Variants in ADAMTS5 observed in about 807,000 individuals in gnomAD.
ADAMTS5 encodes the protein ADAM metallopeptidase with thrombospondin type 1 motif 5, also known as A disintegrin and metalloproteinase with thrombospondin motifs 5.
In ADAMTS5, 54 loss-of-function variants were observed where a neutral mutation model predicts 81.4. The ratio of observed to expected loss-of-function variants is 0.66; its 90% CI spans 0.53 to 0.83. The LOEUF is 0.83. ADAMTS5 is among the 40% of genes least tolerant of loss of function. ADAMTS5 has a pLI of 0.00. For synonymous variants in ADAMTS5, 532 were observed against 508.8 expected (o/e 1.05, Z -0.61); for missense variants, 1,194 against 1,229.9 (o/e 0.97, Z 0.44).
chr21:26,944,353 A>G (rs1601009919), intron 2 of ADAMTS5, among the ~76,000 whole-genome samples: 1 of 152,298 alleles, frequency 6.6e-6, no homozygotes, highest in East Asian at 1.9e-4. Flanking sequence ...CAGCCAGGTG[A>G]TATTTGTGCT....
chr21:26,925,881 A>G (rs1281226557), intron 7 of ADAMTS5, among the ~76,000 whole-genome samples: 1 of 152,214 alleles, frequency 6.6e-6, no homozygotes, highest in Non-Finnish European at 1.5e-5. Flanking sequence ...GAGATGATGC[A>G]ATGCTCAGGG....
At chr21:26,947,437 T>C (rs761984297) in intron 2 of ADAMTS5, among the ~76,000 whole-genome samples, 11 of 152,038 alleles carry the variant, frequency 7.2e-5, no homozygotes, top group Non-Finnish European at 1.6e-4. Flanking sequence ...CTTTTTCTTT[T>C]TCTTTTTTTT....
At chr21:26,941,395 T>G (rs1987111409) in intron 3 of ADAMTS5, among the ~76,000 whole-genome samples, 1 of 152,106 alleles carries the variant, frequency 6.6e-6, no homozygotes, top group African/African-American at 2.4e-5. Context: ...TATAAAAATA[T>G]GTAAATTTGT....
At position 26,924,116 on chromosome 21, in the gene ADAMTS5, T is replaced by C. The variant is rs774028295; in HGVS notation, c.2730A>G (p.Ala910=). ...VQCQDGNRKL[A]KGCPLSQRPS... is the part of the protein sequence containing the mutation. Reference sequence around the variant, plus strand: ...GCCTTTGGGAGAGAGGACATCCTTTTGCTAACTTCCGGTTTCCATCCTGGC... The same window carrying C: ...GCCTTTGGGAGAGAGGACATCCTTTCGCTAACTTCCGGTTTCCATCCTGGC... The change falls in exon 8 of 8, where the codon GCA becomes GCG. Residue 910 remains alanine (A), a synonymous_variant. Transcript: ENST00000284987. 2.5e-6 allele frequency: 4 copies of C among 1,612,502 alleles called. No individual in the cohort carries two copies. The highest frequency in any genetic ancestry group is 3.4e-6 in the Non-Finnish European group (4 of 1,178,564).
chr21:26,951,876 A>G (rs1568849326), intron 2 of ADAMTS5, among the ~76,000 whole-genome samples: 3 of 150,416 alleles, frequency 2.0e-5, no homozygotes, highest in Non-Finnish European at 4.4e-5. Context: ...GAGGGGCAAG[A>G]CTCTGTAATA....
intron 3 of ADAMTS5, among the ~76,000 whole-genome samples, chr21:26,937,590 A>G (rs1011219144): frequency 6.6e-6 from 1 of 152,238 alleles, no homozygotes; most frequent in Non-Finnish European, 1.5e-5. Context: ...ACAAAAATCA[A>G]TACAGAGCCT....
chr21:26,964,245 G>T (rs1987589677), intron 1 of ADAMTS5, among the ~76,000 whole-genome samples: 1 of 152,206 alleles, frequency 6.6e-6, no homozygotes, highest in Non-Finnish European at 1.5e-5. Context: ...GAGTCGAGTT[G>T]TGACAACTGA....
chr21:26,934,754 A>G lies in ADAMTS5; in HGVS notation c.1406-5T>C. On this transcript the variant is annotated splice_region_variant and splice_polypyrimidine_tract_variant and intron_variant, in intron 3 of 7. Coordinates refer to ENST00000284987, the MANE Select transcript of ADAMTS5 (RefSeq NM_007038.5). ...GTAGGTCCAGCAAACAGTTACCTACAAGAATAACTGAGATTGACCACGGCT... is the reference window on the plus strand; with the variant it reads ...GTAGGTCCAGCAAACAGTTACCTACGAGAATAACTGAGATTGACCACGGCT... 6.2e-7 allele frequency: 1 copy of G among 1,613,374 alleles called. No individual in the cohort carries two copies. Among genetic ancestry groups the G allele is most frequent in the South Asian group, 1.1e-5 (1 of 91,066 alleles).
rs1484169743 is a variant in ADAMTS5, at chr21:26,966,140, G to A, written c.252C>T (p.Gly84=). The part of the protein sequence containing the change: ...VQNIDQLYSG[G]GKVGYLVYAG... ...CGTAGACGAGGTAGCCCACCTTGCC[G>A]CCGCCGGAGTAGAGTTGGTCGATGT... Residue 84 remains glycine (G), a synonymous_variant, in exon 1 of 8, where the codon GGC becomes GGT. Transcript: ENST00000284987. 2 of 1,611,762 alleles carry A rather than the reference G, an allele frequency of 1.2e-6. No individual in the cohort carries two copies. The highest frequency in any genetic ancestry group is 1.7e-5 in the Admixed American group (1 of 59,932).
At position 26,966,198 on chromosome 21, in the gene ADAMTS5, G is replaced by T. The variant is rs1372444856; in HGVS notation, c.194C>A (p.Ala65Glu). 10 of 1,597,222 alleles carry T rather than the reference G, an allele frequency of 6.3e-6. No individual in the cohort carries two copies. Among genetic ancestry groups the T allele is most frequent in the Admixed American group, 1.7e-5 (1 of 58,560 alleles). The change falls in exon 1 of 8, where the codon GCG becomes GAG. Residue 65 changes from alanine to glutamate, a missense_variant. Physicochemically the swap from Ala to Glu is moderately radical, Grantham distance 107. Transcript: ENST00000284987. ...AEPPGHPHPL[A>E]QRRRSKGLVQ... ...CAGCCCCTTGCTCCTGCGCCGCTGC[G>T]CCAGGGGGTGCGGGTGGCCGGGAGG...
At chr21:26,935,769 G>A (rs550333104) in intron 3 of ADAMTS5, among the ~76,000 whole-genome samples, 11 of 152,030 alleles carry the variant, frequency 7.2e-5, no homozygotes, top group Non-Finnish European at 1.2e-4. Flanking sequence ...ATCCCTGTCC[G>A]GTGAGTTAAC....
chr21:26,939,958 G>T lies in ADAMTS5; in HGVS notation c.1405+3422C>A, dbSNP rs187694744. ...TTCTCCTTTTCTGAATCACAAATCTGCAGACACAGTGACTTTAGAGTGAGC... is the reference window on the plus strand; with the variant it reads ...TTCTCCTTTTCTGAATCACAAATCTTCAGACACAGTGACTTTAGAGTGAGC... On this transcript the variant is annotated intron_variant, in intron 3 of 7. Coordinates refer to ENST00000284987, the MANE Select transcript of ADAMTS5 (RefSeq NM_007038.5). Among the ~76,000 whole-genome samples the T allele has an allele frequency of 5.3e-5, 8 of 152,266 alleles. No individual in the cohort carries two copies. The East Asian group carries it at 1.5e-3, about 29-fold the overall frequency.
intron 3 of ADAMTS5, among the ~76,000 whole-genome samples, chr21:26,936,063 T>C (rs1032235155): frequency 6.6e-5 from 10 of 152,164 alleles, no homozygotes; most frequent in African/African-American, 9.7e-5. Flanking sequence ...ACAGCTGTTA[T>C]GGTTTCATGC....
At chr21:26,961,171 G>A (rs1048113346) in intron 1 of ADAMTS5, among the ~76,000 whole-genome samples, 3 of 152,218 alleles carry the variant, frequency 2.0e-5, no homozygotes, top group Non-Finnish European at 2.9e-5. Context: ...TTTGTTAGCT[G>A]TTAGTCTAAG....
intron 3 of ADAMTS5, among the ~76,000 whole-genome samples, chr21:26,940,756 T>C (rs924328664): frequency 3.9e-5 from 6 of 152,162 alleles, no homozygotes; most frequent in African/African-American, 1.4e-4. Flanking sequence ...CTAACAAAGA[T>C]GCATCTTTGT....
intron 1 of ADAMTS5, among the ~76,000 whole-genome samples, chr21:26,960,570 T>C (rs1000244553): frequency 6.6e-6 from 1 of 152,132 alleles, no homozygotes; most frequent in Admixed American, 6.5e-5. Context: ...GCTTTGTGAG[T>C]ACACAGTGAG....
At chr21:26,924,664 A>T (rs748525525) in intron 7 of ADAMTS5, 44 bp from the exon 8 acceptor site, 3 of 1,457,790 alleles carry the variant, frequency 2.1e-6, no homozygotes, top group East Asian at 2.3e-5. Context: ...AGGTGGTTAA[A>T]AAAAGGGAGA....
chr21:26,924,397 A>C lies in ADAMTS5; in HGVS notation c.2449T>G (p.Phe817Val). ...GCAGAGTAGCCCATGCCATGCAGGA[A>C]GTCATCCCTGTGGCTCCAACCGCTA... Reference protein sequence around the residue: ...NYSGWSHRDDFLHGMGYSATK... With the variant: ...NYSGWSHRDDVLHGMGYSATK... Residue 817 changes from phenylalanine (F) to valine (V), a missense_variant, in exon 8 of 8, where the codon TTC becomes GTC. Physicochemically the swap from Phe to Val is conservative, Grantham distance 50 (BLOSUM62 -1). This residue lies in a region of ADAMTS5 where 696 missense variants were observed against 817.6 expected (regional missense o/e 0.85). Transcript: ENST00000284987. The C allele has an allele frequency of 6.2e-7, 1 of 1,614,118 alleles. No individual in the cohort carries two copies. Among genetic ancestry groups the C allele is most frequent in the Non-Finnish European group, 8.5e-7 (1 of 1,179,916 alleles).
intron 4 of ADAMTS5, 147 bp downstream of exon 4, chr21:26,934,319 G>T: frequency 9.5e-7 from 1 of 1,057,394 alleles, no homozygotes; most frequent in Non-Finnish European, 1.3e-6. Flanking sequence ...GCTACTGCGG[G>T]TAAAAGAAGA....
Sources: allele counts gnomAD v4.1 joint callset (sites outside exome capture counted in the v4.1 genomes callset), GRCh38; gene constraint gnomAD v4.1.1; regional missense constraint gnomAD v4.1.1; transcripts MANE v1.5; gene names NCBI Gene and HGNC (gene_info 2026-07-23, HGNC 2026-07-21).